The following FAM20B variants were observed in gnomAD, a reference collection of about 807,000 sequenced individuals.
FAM20B encodes the protein FAM20B glycosaminoglycan xylosylkinase.
In FAM20B, 23 loss-of-function variants were observed where a neutral mutation model predicts 43.8. The ratio of observed to expected loss-of-function variants is 0.53; its 90% CI spans 0.38 to 0.74. FAM20B has a LOEUF of 0.74. Among genes scored for constraint, FAM20B ranks in the 30% least tolerant of loss-of-function variants. The probability of loss-of-function intolerance (pLI) is 0.00; values close to 1 mark genes in which losing one functional copy is unlikely to be tolerated. For missense variants in FAM20B, 440 were observed against 510.5 expected (o/e 0.86, Z 1.33); for synonymous variants, 178 against 192.4 (o/e 0.93, Z 0.62).
At position 179,073,827 on chromosome 1, in the gene FAM20B, T is replaced by C. The variant is rs187113980; in HGVS notation, c.*1683T>C. 1 of 152,390 alleles carries C rather than the reference T, an allele frequency of 6.6e-6. No individual in the cohort carries two copies. The highest frequency in any genetic ancestry group is 2.4e-5 in the African/African-American group (1 of 41,590). 9.4% of individuals were successfully genotyped at this position (152,390 alleles called of 1,614,324 possible). A position where few individuals can be genotyped will look rare whatever the true frequency, so the allele number is the denominator to read the frequency against. On this transcript the variant is annotated 3_prime_UTR_variant, in exon 8 of 8. Transcript: ENST00000263733. ...GTTTTTGTTTTGTGTTCTGGCAAAG[T>C]GATCTCAACATGTAAGTAGTTGCAG...
chr1:179,060,017 G>A (rs531082022), intron 4 of FAM20B, among the ~76,000 whole-genome samples: 2 of 150,278 alleles, frequency 1.3e-5, no homozygotes, highest in Non-Finnish European at 3.0e-5. Context: ...AAATTTTCTC[G>A]TCTGTCTAGT....
Position 179,072,428 on chromosome 1 carries a change from G to A in FAM20B, c.*284G>A. 2.5e-6 allele frequency: 1 copy of A among 393,510 alleles called. No individual in the cohort carries two copies. Among genetic ancestry groups the A allele is most frequent in the Non-Finnish European group, 4.7e-6 (1 of 214,160 alleles). 24.4% of individuals were successfully genotyped at this position (393,510 alleles called of 1,614,324 possible). ...GGTCAGTCTTAATTCCCATGCCAAA[G>A]GACAAACAGGTGTGACATTTGGATA... On this transcript the variant is annotated 3_prime_UTR_variant, in exon 8 of 8. Transcript: ENST00000263733.
rs188968978 is a variant in FAM20B at position 179,062,076 on chromosome 1, G to A, written c.575-1851G>A. Among the ~76,000 whole-genome samples the A allele has an allele frequency of 2.4e-3, 357 of 151,814 alleles. 2 individuals carry two copies. The highest frequency in any genetic ancestry group is 8.2e-3 in the African/African-American group (338 of 41,372). On this transcript the variant is annotated intron_variant, in intron 4 of 7. Transcript: ENST00000263733. ...GGCTGGAGTGCAGTGGCGCAATCTCGGCTTATTGCAAACTTTGCCTCTCAG... is the reference window on the plus strand; with the variant it reads ...GGCTGGAGTGCAGTGGCGCAATCTCAGCTTATTGCAAACTTTGCCTCTCAG...
chr1:179,071,603 G>A (rs1651927030), intron 7 of FAM20B, among the ~76,000 whole-genome samples: 1 of 152,072 alleles, frequency 6.6e-6, no homozygotes, highest in African/African-American at 2.4e-5. Flanking sequence ...TCCTTTCAAT[G>A]GATGAACCAT....
In FAM20B at chr1:179,043,908, A is replaced by G; in HGVS notation, c.61A>G (p.Lys21Glu). 6.2e-7 allele frequency: 1 copy of G among 1,611,244 alleles called. No individual in the cohort carries two copies. Among genetic ancestry groups the G allele is most frequent in the Non-Finnish European group, 8.5e-7 (1 of 1,177,458 alleles). ...AILLVIFIFT[K>E]VFLIDNLDTS... ...TCTCCTTGTCATTTTTATCTTCACC[A>G]AAGTTTTCCTGATTGACAACTTAGA... The change falls in exon 2 of 8, where the codon AAA (lysine) becomes GAA (glutamate). Residue 21 changes from lysine (K) to glutamate (E), a missense_variant. Lys to Glu is a moderately conservative substitution (Grantham distance 56). Transcript: ENST00000263733.
chr1:179,034,570 T>A (rs1650141342), intron 1 of FAM20B, among the ~76,000 whole-genome samples: 1 of 152,206 alleles, frequency 6.6e-6, no homozygotes, highest in Non-Finnish European at 1.5e-5. Flanking sequence ...ATTGTTAGTG[T>A]CTGTCTTTGC....
At chr1:179,045,773 C>T (rs1398303919) in intron 2 of FAM20B, among the ~76,000 whole-genome samples, 1 of 151,858 alleles carries the variant, frequency 6.6e-6, no homozygotes, top group Non-Finnish European at 1.5e-5. Flanking sequence ...ATAGTCTCAG[C>T]TACTTGGAAG....
chr1:179,062,574 C>T (rs1252376674), intron 4 of FAM20B, among the ~76,000 whole-genome samples: 3 of 151,950 alleles, frequency 2.0e-5, no homozygotes, highest in Non-Finnish European at 4.4e-5. Flanking sequence ...TGCTTGAACC[C>T]GGGAGGCGGA....
At position 179,043,814 on chromosome 1, in the gene FAM20B, A is replaced by T; in HGVS notation, c.-34A>T. On this transcript the variant is annotated 5_prime_UTR_variant, in exon 2 of 8. It adds an upstream start codon to the 5' untranslated region. Coordinates refer to ENST00000263733, the MANE Select transcript of FAM20B (RefSeq NM_014864.4). ...ACCAGCTCTCCTTAATACATGAGCA[A>T]GAGTGGGTCAGGGGAGAAGGAAAAG... The T allele has an allele frequency of 6.4e-7, 1 of 1,554,670 alleles. No homozygotes were observed. The highest frequency in any genetic ancestry group is 8.7e-7 in the Non-Finnish European group (1 of 1,146,008).
intron 3 of FAM20B, among the ~76,000 whole-genome samples, chr1:179,054,037 A>C (rs996504077): frequency 6.6e-6 from 1 of 150,818 alleles, no homozygotes; most frequent in Non-Finnish European, 1.5e-5. Context: ...AACCTTTTAG[A>C]TTATTAGAGA....
chr1:179,065,493 G>T (rs1007508344), intron 6 of FAM20B, among the ~76,000 whole-genome samples: 1 of 152,238 alleles, frequency 6.6e-6, no homozygotes, highest in South Asian at 2.1e-4. Context: ...AATTTTCCAG[G>T]CCCTAGGTCA....
chr1:179,026,784 T>C (rs1239456575), intron 1 of FAM20B, among the ~76,000 whole-genome samples: 2 of 152,246 alleles, frequency 1.3e-5, no homozygotes, highest in African/African-American at 4.8e-5. Context: ...ACCGATACGT[T>C]TCCCTTAATG....
chr1:179,021,222 G>A (rs556181384), upstream of FAM20B, among the ~76,000 whole-genome samples: 15 of 152,266 alleles, frequency 9.9e-5, no homozygotes, highest in South Asian at 2.1e-3. Context: ...TCCAAGCAGG[G>A]TCTCAAAGAG....
chr1:179,035,960 T>C (rs1650211520), intron 1 of FAM20B, among the ~76,000 whole-genome samples: 1 of 151,970 alleles, frequency 6.6e-6, no homozygotes, highest in African/African-American at 2.4e-5. Flanking sequence ...AGAAACCCCG[T>C]CTCTACTAAA....
intron 6 of FAM20B, among the ~76,000 whole-genome samples, chr1:179,065,727 G>A (rs915547539): frequency 1.3e-5 from 2 of 152,174 alleles, no homozygotes; most frequent in Non-Finnish European, 2.9e-5. Context: ...TGATACACAT[G>A]ATACTTGATA....
chr1:179,041,865 TTGAAAGTTAAAAAAA>T (rs1489442786), intron 1 of FAM20B, among the ~76,000 whole-genome samples: 2 of 152,196 alleles, frequency 1.3e-5, no homozygotes, highest in African/African-American at 4.8e-5. Flanking sequence ...TTTATGGATT[TTGAAAGTTAAAAAAA>T]TGAAAGTTAA....
intron 6 of FAM20B, among the ~76,000 whole-genome samples, chr1:179,065,296 A>T (rs554527271): frequency 1.3e-5 from 2 of 151,336 alleles, no homozygotes; most frequent in African/African-American, 2.4e-5. Flanking sequence ...GACTACAGGC[A>T]CTCGCTAATT....
intron 6 of FAM20B, 138 bp downstream of exon 6, chr1:179,064,634 A>G (rs1236007213): frequency 7.5e-6 from 5 of 662,498 alleles, no homozygotes; most frequent in East Asian, 2.7e-5. Flanking sequence ...AGTCTTTGCT[A>G]TTGGTACCTG....
At chr1:179,069,218 G>A (rs533238906) in intron 7 of FAM20B, among the ~76,000 whole-genome samples, 24 of 152,248 alleles carry the variant, frequency 1.6e-4, no homozygotes, top group South Asian at 8.3e-4. Context: ...TGACCTCTCT[G>A]CCTCCCCAAC....
Sources: gnomAD v4.1 joint callset for allele counts (sites outside exome capture counted in the v4.1 genomes callset) on GRCh38, gnomAD v4.1.1 for gene constraint, MANE v1.5 for transcripts, NCBI Gene and HGNC (gene_info 2026-07-23, HGNC 2026-07-21) for gene names.